The following OLFM2 variants were observed in gnomAD, a reference collection of about 807,000 sequenced individuals.
OLFM2 encodes noelin-2.
A neutral mutation model predicts 43.9 loss-of-function variants in OLFM2; 20 were observed. That is an observed-to-expected ratio of 0.46 (90% CI 0.32 to 0.66). The LOEUF (loss-of-function observed/expected upper bound fraction) is 0.66, where lower values mean the gene tolerates loss of function less well. OLFM2 is among the 30% of genes least tolerant of loss of function. OLFM2 has a pLI of 0.04. For missense variants in OLFM2, 416 were observed against 643.6 expected (o/e 0.65, Z 3.83); for synonymous variants, 268 against 278.6 (o/e 0.96, Z 0.38).
At chr19:9,905,551 G>C (rs2046778702) in intron 1 of OLFM2, among the ~76,000 whole-genome samples, 1 of 151,012 alleles carries the variant, frequency 6.6e-6, no homozygotes, top group Non-Finnish European at 1.5e-5. Context: ...TGAGGCAGGA[G>C]AATCACTGGA....
At chr19:9,924,562 C>T (rs1466198782) in intron 1 of OLFM2, among the ~76,000 whole-genome samples, 1 of 152,152 alleles carries the variant, frequency 6.6e-6, no homozygotes, top group Non-Finnish European at 1.5e-5. Flanking sequence ...CCCGGCCTGA[C>T]AACATACTCA....
Position 9,872,471 on chromosome 19 carries a change from C to T in OLFM2, c.64-11677G>A, listed in dbSNP as rs141471051. On this transcript the variant is annotated intron_variant, in intron 1 of 5. Transcript: ENST00000264833. ...CAGAGGTTGCAGTGAGCCGAGATCACGCCACTGCACTCCAACCTGGGTGAC... is the reference window on the plus strand; with the variant it reads ...CAGAGGTTGCAGTGAGCCGAGATCATGCCACTGCACTCCAACCTGGGTGAC... 1.9e-3 allele frequency among the ~76,000 whole-genome samples: 283 copies of T among 151,872 alleles called. 3 individuals are homozygous for T. Among genetic ancestry groups the T allele is most frequent in the African/African-American group, 6.7e-3 (276 of 41,402 alleles).
chr19:9,867,933 G>A (rs1339098106), intron 1 of OLFM2, among the ~76,000 whole-genome samples: 3 of 151,454 alleles, frequency 2.0e-5, no homozygotes, highest in Admixed American at 6.6e-5. Flanking sequence ...ACAGGGTCTT[G>A]CTCTGCCACC....
At chr19:9,911,712 CTTAT>C (rs1221036995) in intron 1 of OLFM2, among the ~76,000 whole-genome samples, 1 of 152,138 alleles carries the variant, frequency 6.6e-6, no homozygotes, top group Non-Finnish European at 1.5e-5. Flanking sequence ...CTCTTATATA[CTTAT>C]TTATACATTC....
At chr19:9,927,554 C>A (rs577538099) in intron 1 of OLFM2, among the ~76,000 whole-genome samples, 41 of 152,304 alleles carry the variant, frequency 2.7e-4, no homozygotes, top group African/African-American at 9.1e-4. Context: ...CTCCAGTCTT[C>A]ACTCGCTCAT....
At chr19:9,913,612 C>A in intron 1 of OLFM2, 1 of 1,301,638 alleles carries the variant, frequency 7.7e-7, no homozygotes, top group Admixed American at 3.5e-5. Context: ...GCAGCGGCAC[C>A]GACATCGCGC....
At chr19:9,901,713 G>A (rs891255057) in intron 1 of OLFM2, among the ~76,000 whole-genome samples, 11 of 152,170 alleles carry the variant, frequency 7.2e-5, no homozygotes, top group Admixed American at 2.6e-4. Context: ...TGTAGGCATT[G>A]GAGTGCACAG....
intron 1 of OLFM2, among the ~76,000 whole-genome samples, chr19:9,862,683 A>T (rs2046372780): frequency 6.8e-6 from 1 of 147,318 alleles, no homozygotes; most frequent in African/African-American, 2.7e-5. Context: ...CCCATCTCTT[A>T]AAAAAAACAG....
At chr19:9,865,662 T>C (rs1278552335) in intron 1 of OLFM2, among the ~76,000 whole-genome samples, 1 of 151,304 alleles carries the variant, frequency 6.6e-6, no homozygotes, top group Non-Finnish European at 1.5e-5. Flanking sequence ...TGGCTAATTT[T>C]TGTATTTTTA....
At chr19:9,878,381 CTTTTTTTTTTTT>C (rs34231833) in intron 1 of OLFM2, among the ~76,000 whole-genome samples, 2 of 57,640 alleles carry the variant, frequency 3.5e-5, no homozygotes, top group South Asian at 7.3e-4. Flanking sequence ...TCATTTCTCT[CTTTTTTTTTTTT>C]TTTTTTTTTT....
chr19:9,870,812 G>T (rs562238962), intron 1 of OLFM2, among the ~76,000 whole-genome samples: 1 of 152,218 alleles, frequency 6.6e-6, no homozygotes, highest in African/African-American at 2.4e-5. Context: ...AGCCAAGATC[G>T]CAGTGAGCTG....
intron 1 of OLFM2, 125 bp downstream of exon 1, chr19:9,936,179 G>A: frequency 1.1e-6 from 1 of 950,882 alleles, no homozygotes; most frequent in Non-Finnish European, 1.5e-6. Context: ...TGCGACCCCC[G>A]CCCCTCGCCG....
At chr19:9,906,562 T>C (rs1272776768) in intron 1 of OLFM2, among the ~76,000 whole-genome samples, 1 of 151,810 alleles carries the variant, frequency 6.6e-6, no homozygotes, top group African/African-American at 2.4e-5. Context: ...GATTCAGAGA[T>C]CCAGGCGGAG....
At chr19:9,932,186 G>A (rs1410381948) in intron 1 of OLFM2, among the ~76,000 whole-genome samples, 5 of 150,096 alleles carry the variant, frequency 3.3e-5, no homozygotes, top group East Asian at 1.9e-4. Context: ...ATGGCCGGGC[G>A]TGGTGGCTCA....
intron 1 of OLFM2, among the ~76,000 whole-genome samples, chr19:9,888,129 A>G (rs1046091560): frequency 1.3e-5 from 2 of 151,938 alleles, no homozygotes; most frequent in Non-Finnish European, 2.9e-5. Flanking sequence ...AACCCCAAAC[A>G]TATTTCTTCT....
chr19:9,930,969 A>G (rs1371824049), intron 1 of OLFM2, among the ~76,000 whole-genome samples: 2 of 152,132 alleles, frequency 1.3e-5, no homozygotes, highest in Non-Finnish European at 2.9e-5. Flanking sequence ...GCGCCCACGC[A>G]CAGGTGCACA....
At chr19:9,862,996 A>AG (rs1392631239) in intron 1 of OLFM2, among the ~76,000 whole-genome samples, 1 of 151,014 alleles carries the variant, frequency 6.6e-6, no homozygotes, top group Admixed American at 6.6e-5. Flanking sequence ...CTCAAAAAAA[A>AG]AAAAAAGGAT....
chr19:9,864,180 A>G (rs1599467751), intron 1 of OLFM2, among the ~76,000 whole-genome samples: 1 of 152,244 alleles, frequency 6.6e-6, no homozygotes, highest in Admixed American at 6.5e-5. Context: ...TTGCCTCTCC[A>G]GTGGGAAAGA....
intron 1 of OLFM2, among the ~76,000 whole-genome samples, chr19:9,900,982 GGAA>G: frequency 2.0e-5 from 1 of 50,542 alleles, no homozygotes; most frequent in African/African-American, 1.4e-4. Context: ...AAGGAAGGAA[GGAA>G]GGAAGGGAGG....
Sources: gnomAD v4.1 joint callset for allele counts (sites outside exome capture counted in the v4.1 genomes callset) on GRCh38, gnomAD v4.1.1 for gene constraint, MANE v1.5 for transcripts, NCBI Gene and HGNC (gene_info 2026-07-23, HGNC 2026-07-21) for gene names.